IGF2R: variants seen among roughly 807,000 people sequenced by gnomAD.
The protein encoded by IGF2R is insulin like growth factor 2 receptor.
Under a neutral mutation model 270.6 loss-of-function variants are expected in IGF2R, and 91 were observed. The ratio of observed to expected loss-of-function variants is 0.34; its 90% CI spans 0.28 to 0.40. IGF2R has a LOEUF of 0.40. Ranked by LOEUF, IGF2R falls within the 10% of genes least tolerant of loss-of-function variation. The probability of loss-of-function intolerance (pLI) is 1.00; values close to 1 mark genes in which losing one functional copy is unlikely to be tolerated. For missense variants in IGF2R, 2,805 were observed against 3,188.3 expected, an observed-to-expected ratio of 0.88 and a Z score of 2.90; for synonymous variants, 1,316 against 1,258.9, an observed-to-expected ratio of 1.05 and a Z score of -0.96.
rs757178382 is a variant in IGF2R, at chr6:160,073,729, A to T, written c.4948-28A>T. On this transcript the variant is annotated intron_variant, in intron 34 of 47. Coordinates refer to ENST00000356956, the MANE Select transcript of IGF2R (RefSeq NM_000876.4). ...GGTGATTAGGAAAATTTTTTTGTAG[A>T]CTCAAAGCAGTCTTTCCTACTTAAC... 6.3e-6 allele frequency: 10 copies of T among 1,587,710 alleles called. No individual in the cohort carries two copies. The East Asian group carries it at 2.0e-4, about 32-fold the overall frequency.
chr6:160,009,103 G>A lies in IGF2R; in HGVS notation c.383G>A (p.Ser128Asn). ...DQQGTNHRVQ[S>N]SIAFLCGKTL... Reference sequence around the variant, plus strand: ...CAAGGCACAAATCACAGAGTCCAGAGCAGCATTGCCTTCCTGTGTGGGAAA... The same window carrying A: ...CAAGGCACAAATCACAGAGTCCAGAACAGCATTGCCTTCCTGTGTGGGAAA... The change falls in exon 3 of 48, where the codon AGC becomes AAC. Residue 128 changes from serine (S) to asparagine (N), a missense_variant. This residue lies in a region of IGF2R where 954 missense variants were observed against 981.1 expected (regional missense o/e 0.97). Coordinates refer to ENST00000356956, the MANE Select transcript of IGF2R (RefSeq NM_000876.4). 6.2e-7 allele frequency: 1 copy of A among 1,613,944 alleles called. No individual in the cohort carries two copies. The highest frequency in any genetic ancestry group is 8.5e-7 in the Non-Finnish European group (1 of 1,179,938).
At chr6:160,042,216 C>T (rs1777960819) in intron 11 of IGF2R, among the ~76,000 whole-genome samples, 1 of 152,094 alleles carries the variant, frequency 6.6e-6, no homozygotes, top group Non-Finnish European at 1.5e-5. Flanking sequence ...ACTTTACAGC[C>T]CACCTGGCTC....
rs1311065648 is a variant in IGF2R at position 160,064,884 on chromosome 6, G to A, written c.4098G>A (p.Leu1366=). The A allele has an allele frequency of 2.5e-6, 4 of 1,610,130 alleles. No homozygotes were observed. The highest frequency in any genetic ancestry group is 1.3e-5 in the African/African-American group (1 of 74,858). Residue 1366 remains leucine, a synonymous_variant, in exon 29 of 48, where the codon CTG becomes CTA. Coordinates refer to ENST00000356956, the MANE Select transcript of IGF2R (RefSeq NM_000876.4). ...RTQYACPPFD[L]TECSFKDGAG... ...AGTATGCCTGCCCACCTTTCGATCT[G>A]ACTGAATGTTCATTCAAGTAAGTCC... is the stretch of plus-strand genomic sequence containing the variant.
chr6:160,023,705 G>A (rs891569366), intron 4 of IGF2R, among the ~76,000 whole-genome samples: 2 of 152,204 alleles, frequency 1.3e-5, no homozygotes, highest in Admixed American at 6.5e-5. Context: ...GCTTATAAAC[G>A]TAGCTTCTGC....
At chr6:160,070,856 C>T (rs1218635162) in intron 31 of IGF2R, among the ~76,000 whole-genome samples, 1 of 152,188 alleles carries the variant, frequency 6.6e-6, no homozygotes. Context: ...TGCCCTCTTG[C>T]CTGGAGCGGC....
chr6:160,034,649 C>T, intron 10 of IGF2R, 127 bp downstream of exon 10: 1 of 579,138 alleles, frequency 1.7e-6, no homozygotes. Context: ...TTGGACTGGC[C>T]AGCTCTAGCC....
At chr6:160,025,607 T>C (rs1280688404) in intron 5 of IGF2R, among the ~76,000 whole-genome samples, 2 of 152,194 alleles carry the variant, frequency 1.3e-5, no homozygotes, top group Non-Finnish European at 2.9e-5. Context: ...GTATTATTTC[T>C]AAACAGTTAA....
At chr6:160,032,781 G>T in intron 8 of IGF2R, 68 bp downstream of exon 8, 1 of 1,543,136 alleles carries the variant, frequency 6.5e-7, no homozygotes, top group Non-Finnish European at 8.8e-7. Flanking sequence ...GAACGGGACA[G>T]TAGGGGCCAA....
Position 159,969,954 on chromosome 6 carries a change from A to T in IGF2R, c.149+559A>T, listed in dbSNP as rs73785015. On this transcript the variant is annotated intron_variant, in intron 1 of 47. Transcript: ENST00000356956. ...CTCTTTAAAGAATATATATATATAT[A>T]TATTTTTAGCAGGCGGTGACTTTTG... 6.5e-3 allele frequency among the ~76,000 whole-genome samples: 982 copies of T among 150,628 alleles called. 12 individuals are homozygous for T. The highest frequency in any genetic ancestry group is 0.021 in the African/African-American group (867 of 41,316).
intron 4 of IGF2R, among the ~76,000 whole-genome samples, chr6:160,018,328 A>G (rs1777351195): frequency 6.6e-6 from 1 of 152,218 alleles, no homozygotes; most frequent in Non-Finnish European, 1.5e-5. Context: ...ATATGTATGC[A>G]TGCAACTCTA....
chr6:160,020,128 T>C (rs1439870632), intron 4 of IGF2R, among the ~76,000 whole-genome samples: 2 of 152,008 alleles, frequency 1.3e-5, no homozygotes, highest in Non-Finnish European at 2.9e-5. Context: ...AGAGTCATTG[T>C]ACAAGAATCA....
Position 160,027,290 on chromosome 6 carries a change from G to A in IGF2R, c.752G>A (p.Gly251Glu), listed in dbSNP as rs560401254. The change falls in exon 6 of 48, where the codon GGA becomes GAA. Residue 251 changes from glycine (G) to glutamate (E), a missense_variant. By Grantham distance (98) the Gly-to-Glu change is moderately conservative. Coordinates refer to ENST00000356956, the MANE Select transcript of IGF2R (RefSeq NM_000876.4). ...QAFDVGQPRDGLKLVRKDRLV... is the reference protein window; with the variant it reads ...QAFDVGQPRDELKLVRKDRLV... The stretch of plus-strand genomic sequence containing the variant: ...TTTGATGTTGGCCAGCCCCGGGACG[G>A]ACTGAAGCTGGTGCGCAAGGACAGG... 4.4e-5 allele frequency: 71 copies of A among 1,613,772 alleles called. No individual in the cohort carries two copies. Among genetic ancestry groups the A allele is most frequent in the Non-Finnish European group, 2.6e-5 (31 of 1,179,874 alleles).
intron 29 of IGF2R, among the ~76,000 whole-genome samples, chr6:160,065,774 ATATGTG>A (rs1261567046): frequency 4.1e-4 from 52 of 126,446 alleles, no homozygotes; most frequent in South Asian, 8.4e-4. Flanking sequence ...TTTCCTAGAG[ATATGTG>A]TATGTGTGTG....
chr6:160,086,305 A>C (rs1352711126), intron 41 of IGF2R, among the ~76,000 whole-genome samples: 3 of 152,208 alleles, frequency 2.0e-5, no homozygotes, highest in Non-Finnish European at 2.9e-5. Context: ...GACCGGAACG[A>C]GAAATAATCT....
chr6:159,994,789 C>T (rs78743941), intron 2 of IGF2R, among the ~76,000 whole-genome samples: 42 of 152,080 alleles, frequency 2.8e-4, no homozygotes, highest in Admixed American at 1.6e-3. Context: ...AGTTTTATTC[C>T]GCTGTGATCT....
intron 27 of IGF2R, 35 bp from the exon 28 acceptor site, chr6:160,064,366 A>G: frequency 1.2e-6 from 2 of 1,614,110 alleles, no homozygotes; most frequent in Non-Finnish European, 1.7e-6. Context: ...TAGGGACCCG[A>G]ACCAAACCTT....
intron 1 of IGF2R, among the ~76,000 whole-genome samples, chr6:159,972,871 G>T (rs184645357): frequency 9.1e-4 from 139 of 151,986 alleles, no homozygotes; most frequent in Non-Finnish European, 1.6e-3. Context: ...TTGAAGCAGC[G>T]CTTTAAATAA....
At chr6:160,040,158 A>C (rs1421645037) in intron 10 of IGF2R, among the ~76,000 whole-genome samples, 1 of 152,122 alleles carries the variant, frequency 6.6e-6, no homozygotes, top group Non-Finnish European at 1.5e-5. Context: ...CTAGAGCTCC[A>C]TTTCTGTCCT....
chr6:160,085,858 G>GGA (rs1042502033), intron 41 of IGF2R, among the ~76,000 whole-genome samples: 4 of 152,160 alleles, frequency 2.6e-5, no homozygotes, highest in African/African-American at 9.7e-5. Context: ...GTAGGTGGAG[G>GGA]GAGAGCTGCC....
Sources: gnomAD v4.1 joint callset for allele counts (sites outside exome capture counted in the v4.1 genomes callset) on GRCh38, gnomAD v4.1.1 for gene constraint, gnomAD v4.1.1 regional missense constraint, MANE v1.5 for transcripts, NCBI Gene and HGNC (gene_info 2026-07-23, HGNC 2026-07-21) for gene names.